The following EYS variants were observed in gnomAD, a reference collection of about 807,000 sequenced individuals.
The protein encoded by EYS is protein eyes shut homolog.
In EYS, 250 loss-of-function variants were observed where a neutral mutation model predicts 282.1. The ratio of observed to expected loss-of-function variants is 0.89; its 90% CI spans 0.80 to 0.98. EYS has a LOEUF of 0.98. Ranked by LOEUF, EYS falls within the 50% of genes least tolerant of loss-of-function variation. The pLI is 0.00. For missense variants in EYS, 4,016 were observed against 3,709.0 expected, an observed-to-expected ratio of 1.08 and a Z score of -2.15; for synonymous variants, 1,355 against 1,282.9, an observed-to-expected ratio of 1.06 and a Z score of -1.20.
At chr6:63,744,622 C>A (rs1398921584) in intron 41 of EYS, 2 of 152,118 alleles carry the variant, frequency 1.3e-5, no homozygotes, top group Non-Finnish European at 2.9e-5. Flanking sequence ...TGTTGGAGTG[C>A]AGTGGCGCAA....
intron 35 of EYS, among the ~76,000 whole-genome samples, chr6:63,864,575 C>T (rs2149709839): frequency 6.6e-6 from 1 of 152,264 alleles, no homozygotes; most frequent in East Asian, 1.9e-4. Context: ...TATAGATTAT[C>T]TGAAGCCATG....
At chr6:65,202,888 A>G (rs949303797) in intron 12 of EYS, among the ~76,000 whole-genome samples, 2 of 152,112 alleles carry the variant, frequency 1.3e-5, no homozygotes, top group African/African-American at 4.8e-5. Flanking sequence ...GGCACCTCCA[A>G]CCCTTTCTGG....
chr6:65,239,161 AGGCC>A (rs1766997009), intron 12 of EYS, among the ~76,000 whole-genome samples: 1 of 152,056 alleles, frequency 6.6e-6, no homozygotes, highest in Non-Finnish European at 1.5e-5. Flanking sequence ...TCATAGACAC[AGGCC>A]AAAACAAGAC....
chr6:65,686,869 G>A (rs1021475980), intron 1 of EYS, among the ~76,000 whole-genome samples: 3 of 151,952 alleles, frequency 2.0e-5, no homozygotes, highest in Non-Finnish European at 2.9e-5. Context: ...GGTACTCATT[G>A]GAAGCTAGAA....
At chr6:65,335,429 G>A (rs1278248182) in intron 10 of EYS, among the ~76,000 whole-genome samples, 2 of 151,644 alleles carry the variant, frequency 1.3e-5, no homozygotes, top group South Asian at 2.1e-4. Flanking sequence ...TACAACCAAG[G>A]CCACCATAAC....
intron 12 of EYS, among the ~76,000 whole-genome samples, chr6:65,103,462 T>G (rs1411216467): frequency 6.6e-6 from 1 of 151,370 alleles, no homozygotes; most frequent in Non-Finnish European, 1.5e-5. Context: ...ACCTTTTCAT[T>G]CAAAAATTAC....
At chr6:64,405,978 CA>C (rs1018677600) in intron 28 of EYS, among the ~76,000 whole-genome samples, 19 of 150,916 alleles carry the variant, frequency 1.3e-4, no homozygotes, top group African/African-American at 3.2e-4. Flanking sequence ...CACATGGAAC[CA>C]AAAAAAAATC....
chr6:65,026,726 G>C (rs981658480), intron 13 of EYS, among the ~76,000 whole-genome samples: 1 of 152,036 alleles, frequency 6.6e-6, no homozygotes, highest in African/African-American at 2.4e-5. Flanking sequence ...GACTGTCCTG[G>C]CTAACACAGT....
intron 26 of EYS, among the ~76,000 whole-genome samples, chr6:64,483,763 T>C (rs1776502074): frequency 6.6e-6 from 1 of 151,588 alleles, no homozygotes. Flanking sequence ...ATAATAAAGG[T>C]GATATTTTGA....
chr6:65,329,339 A>G (rs934189403), intron 11 of EYS: 7 of 842,860 alleles, frequency 8.3e-6, no homozygotes, highest in African/African-American at 1.8e-5. Context: ...TATGGGTAAT[A>G]CAATGATATG....
rs1025227374 is a variant in EYS, at chr6:64,217,641, T to A, written c.6424+12951A>T. On this transcript the variant is annotated intron_variant, in intron 31 of 42. Coordinates refer to ENST00000503581, the MANE Select transcript of EYS (RefSeq NM_001142800.2). ...CTATCTTTATGTTAATATAATAACA[T>A]CTATAAGAGGCCTTTTCCTATTTTC... is the stretch of plus-strand genomic sequence containing the variant. Among the ~76,000 whole-genome samples the A allele has an allele frequency of 7.9e-5, 12 of 152,232 alleles. No individual in the cohort carries two copies. The East Asian group carries it at 2.1e-3, about 27-fold the overall frequency.
intron 31 of EYS, among the ~76,000 whole-genome samples, chr6:64,117,384 A>C (rs1001976235): frequency 5.3e-5 from 8 of 151,174 alleles, no homozygotes; most frequent in African/African-American, 1.5e-4. Context: ...AATGAAGGAA[A>C]TAGAAACTAG....
At chr6:65,018,972 G>T (rs1772153578) in intron 13 of EYS, among the ~76,000 whole-genome samples, 1 of 151,990 alleles carries the variant, frequency 6.6e-6, no homozygotes, top group Non-Finnish European at 1.5e-5. Flanking sequence ...TTGGATTCTA[G>T]AAATAAAAAT....
At chr6:65,637,146 G>A (rs1444600339) in intron 2 of EYS, among the ~76,000 whole-genome samples, 1 of 152,124 alleles carries the variant, frequency 6.6e-6, no homozygotes, top group African/African-American at 2.4e-5. Flanking sequence ...TTTACTATAT[G>A]TCTTCCTGAA....
intron 19 of EYS, among the ~76,000 whole-genome samples, chr6:64,882,120 G>C (rs1328127500): frequency 6.6e-6 from 1 of 151,720 alleles, no homozygotes; most frequent in Non-Finnish European, 1.5e-5. Context: ...CCATGGAAGA[G>C]AACATGGACA....
intron 13 of EYS, among the ~76,000 whole-genome samples, chr6:65,013,912 C>T (rs1457259241): frequency 6.6e-6 from 1 of 152,104 alleles, no homozygotes; most frequent in Non-Finnish European, 1.5e-5. Context: ...GATTGAATGT[C>T]ACTCCGTAAT....
chr6:65,266,999 G>A (rs1042103740), intron 12 of EYS, among the ~76,000 whole-genome samples: 2 of 150,178 alleles, frequency 1.3e-5, no homozygotes, highest in African/African-American at 4.9e-5. Flanking sequence ...TAGAGAGAGA[G>A]AGAGAGAGAG....
At chr6:64,563,321 A>C (rs961318946) in intron 26 of EYS, among the ~76,000 whole-genome samples, 1 of 151,596 alleles carries the variant, frequency 6.6e-6, no homozygotes, top group Non-Finnish European at 1.5e-5. Context: ...CGTTCTTTTT[A>C]TTTTTTCTTT....
At chr6:65,130,543 C>T (rs1392508701) in intron 12 of EYS, among the ~76,000 whole-genome samples, 1 of 151,702 alleles carries the variant, frequency 6.6e-6, no homozygotes, top group African/African-American at 2.4e-5. Context: ...AGCAAAGTAA[C>T]ACAGGAACAG....
Sources: gnomAD v4.1 joint callset for allele counts (sites outside exome capture counted in the v4.1 genomes callset) on GRCh38, gnomAD v4.1.1 for gene constraint, MANE v1.5 for transcripts, NCBI Gene and HGNC (gene_info 2026-07-23, HGNC 2026-07-21) for gene names.